The following IPP variants were observed in gnomAD, a reference collection of about 807,000 sequenced individuals.
IPP encodes intracisternal A particle-promoted polypeptide.
In IPP, 41 loss-of-function variants were observed where a neutral mutation model predicts 64.1. The ratio of observed to expected loss-of-function variants is 0.64; its 90% confidence interval spans 0.50 to 0.83. The LOEUF is 0.83. Ranked by LOEUF, IPP falls within the 40% of genes least tolerant of loss-of-function variation. The probability of loss-of-function intolerance (pLI) is 0.00; values close to 1 mark genes in which losing one functional copy is unlikely to be tolerated. For synonymous variants in IPP, 214 were observed against 235.2 expected, an observed-to-expected ratio of 0.91 and a Z score of 0.83; for missense variants, 649 against 703.0, an observed-to-expected ratio of 0.92 and a Z score of 0.87.
At chr1:45,695,456 C>A (rs138304385), downstream of IPP, among the ~76,000 whole-genome samples, 1 of 152,128 alleles carries the variant, frequency 6.6e-6, no homozygotes, top group African/African-American at 2.4e-5. Context: ...CCACTGCACC[C>A]AGTGCAGAAG....
intron 5 of IPP, among the ~76,000 whole-genome samples, chr1:45,723,255 T>C (rs1270865621): frequency 6.6e-6 from 1 of 152,238 alleles, no homozygotes; most frequent in African/African-American, 2.4e-5. Flanking sequence ...TTAAAATTTC[T>C]TTTTCATATG....
At chr1:45,747,267 G>C (rs1479467548) in intron 1 of IPP, among the ~76,000 whole-genome samples, 1 of 151,980 alleles carries the variant, frequency 6.6e-6, no homozygotes, top group East Asian at 1.9e-4. Flanking sequence ...CAACAGCTTA[G>C]GTTGGGTTTT....
intron 3 of IPP, among the ~76,000 whole-genome samples, chr1:45,731,968 A>G (rs1157267561): frequency 1.3e-5 from 2 of 151,922 alleles, no homozygotes; most frequent in East Asian, 3.9e-4. Flanking sequence ...CATCCCAGGA[A>G]AAAGAAGATA....
intron 3 of IPP, among the ~76,000 whole-genome samples, chr1:45,737,386 T>C (rs1239037509): frequency 1.3e-5 from 2 of 152,118 alleles, no homozygotes; most frequent in African/African-American, 2.4e-5. Context: ...TCTGCAGTTT[T>C]ACTTTCCATG....
intron 8 of IPP, among the ~76,000 whole-genome samples, chr1:45,708,689 A>AG (rs1197529455): frequency 6.7e-6 from 1 of 149,940 alleles, no homozygotes; most frequent in East Asian, 2.0e-4. Context: ...CAAAAAAAAA[A>AG]AAAAAAAAAA....
chr1:45,698,305 T>G (rs1414512727), downstream of IPP, among the ~76,000 whole-genome samples: 2 of 152,092 alleles, frequency 1.3e-5, no homozygotes, highest in African/African-American at 4.8e-5. Flanking sequence ...AAAAAAATTT[T>G]TTTTACTGTA....
chr1:45,717,434 C>T (rs1356394799), intron 6 of IPP, among the ~76,000 whole-genome samples: 1 of 152,004 alleles, frequency 6.6e-6, no homozygotes, highest in African/African-American at 2.4e-5. Context: ...CAGAGTATAC[C>T]GTGTATTTGG....
intron 5 of IPP, among the ~76,000 whole-genome samples, chr1:45,720,218 A>G (rs1569989199): frequency 6.6e-6 from 1 of 152,100 alleles, no homozygotes; most frequent in Non-Finnish European, 1.5e-5. Context: ...TAGGACTATA[A>G]GCATGTGCCA....
chr1:45,716,621 AC>A (rs1228860647), intron 7 of IPP, among the ~76,000 whole-genome samples: 2 of 152,250 alleles, frequency 1.3e-5, no homozygotes, highest in East Asian at 3.8e-4. Context: ...ATAACAGATA[AC>A]ACTTCAAATG....
At chr1:45,729,143 CAAAA>C (rs200570703) in intron 4 of IPP, among the ~76,000 whole-genome samples, 1 of 112,782 alleles carries the variant, frequency 8.9e-6, no homozygotes, top group Non-Finnish European at 1.8e-5. Context: ...AAGACTACCT[CAAAA>C]AAAAAAAAAA....
intron 2 of IPP, among the ~76,000 whole-genome samples, chr1:45,742,904 T>C (rs1164534184): frequency 2.6e-5 from 4 of 152,002 alleles, no homozygotes; most frequent in African/African-American, 9.7e-5. Context: ...CCACTTTCTT[T>C]TCCAAGGGCT....
intron 8 of IPP, among the ~76,000 whole-genome samples, chr1:45,703,617 T>C (rs1487775541): frequency 6.6e-6 from 1 of 152,000 alleles, no homozygotes; most frequent in Non-Finnish European, 1.5e-5. Flanking sequence ...AGTCCTGTGG[T>C]AAAGAAACTA....
At chr1:45,748,764 G>A (rs151105541) in intron 1 of IPP, among the ~76,000 whole-genome samples, 1 of 152,222 alleles carries the variant, frequency 6.6e-6, no homozygotes, top group African/African-American at 2.4e-5. Context: ...CAGAGGTCAG[G>A]CGTTCAGGAC....
chr1:45,733,199 G>C (rs2148574317), intron 3 of IPP, among the ~76,000 whole-genome samples: 1 of 151,812 alleles, frequency 6.6e-6, no homozygotes, highest in Non-Finnish European at 1.5e-5. Flanking sequence ...GGCCGAGGTG[G>C]GCAGATCACA....
At chr1:45,697,612 A>G (rs1292122843), downstream of IPP, among the ~76,000 whole-genome samples, 1 of 152,176 alleles carries the variant, frequency 6.6e-6, no homozygotes, top group African/African-American at 2.4e-5. Context: ...AAAGTTTTCT[A>G]TCTAAATAAG....
chr1:45,725,277 G>A (rs1228044180), intron 5 of IPP, among the ~76,000 whole-genome samples: 54 of 121,618 alleles, frequency 4.4e-4, no homozygotes, highest in African/African-American at 1.5e-3. Flanking sequence ...CTGCCCGGCC[G>A]CCCCTACTGG....
At chr1:45,742,455 G>C (rs1646079526) in intron 2 of IPP, among the ~76,000 whole-genome samples, 1 of 152,216 alleles carries the variant, frequency 6.6e-6, no homozygotes, top group East Asian at 1.9e-4. Context: ...GCATGTAACA[G>C]ACATTTACTG....
At chr1:45,703,737 C>T (rs957459664) in intron 8 of IPP, among the ~76,000 whole-genome samples, 19 of 152,126 alleles carry the variant, frequency 1.2e-4, no homozygotes, top group East Asian at 3.9e-4. Context: ...GAAATTAATT[C>T]GGAAAAAGCT....
At chr1:45,723,979 CCTCCCT>C (rs1382579647) in intron 5 of IPP, among the ~76,000 whole-genome samples, 2 of 150,420 alleles carry the variant, frequency 1.3e-5, no homozygotes, top group East Asian at 2.0e-4. Flanking sequence ...TCCCCCTCCC[CCTCCCT>C]CTCCCTCTCT....
Sources: gnomAD v4.1 joint callset for allele counts (sites outside exome capture counted in the v4.1 genomes callset) on GRCh38, gnomAD v4.1.1 for gene constraint, MANE v1.5 for transcripts, NCBI Gene and HGNC (gene_info 2026-07-23, HGNC 2026-07-21) for gene names.